The following PCDHGA5 variants were observed in gnomAD, a reference collection of about 807,000 sequenced individuals.
PCDHGA5 encodes the protein protocadherin gamma subfamily A, 5.
In PCDHGA5, 36 loss-of-function variants were observed where a neutral mutation model predicts 56.7. That is an observed-to-expected ratio of 0.64 (90% CI 0.49 to 0.84). The LOEUF (loss-of-function observed/expected upper bound fraction) is 0.84, where lower values mean the gene tolerates loss of function less well. Among genes scored for constraint, PCDHGA5 ranks in the 40% least tolerant of loss-of-function variants. PCDHGA5 has a pLI of 0.00. For missense variants in PCDHGA5, 1,305 were observed against 1,201.5 expected (o/e 1.09, Z -1.27); for synonymous variants, 563 against 520.2 (o/e 1.08, Z -1.12).
intron 1 of PCDHGA5, among the ~76,000 whole-genome samples, chr5:141,449,440 C>T (rs2098639026): frequency 6.6e-6 from 1 of 151,742 alleles, no homozygotes; most frequent in Admixed American, 6.6e-5. Flanking sequence ...AACTCCATCT[C>T]TACTAAAAAT....
At chr5:141,466,655 AT>A (rs754296083) in intron 1 of PCDHGA5, among the ~76,000 whole-genome samples, 3 of 152,206 alleles carry the variant, frequency 2.0e-5, no homozygotes, top group Non-Finnish European at 4.4e-5. Context: ...TTCACAAAAC[AT>A]CAGTGATTTC....
intron 1 of PCDHGA5, chr5:141,423,577 G>A (rs1348410879): frequency 6.2e-7 from 1 of 1,613,478 alleles, no homozygotes; most frequent in Non-Finnish European, 8.5e-7. Context: ...CATCAGCCAG[G>A]AGAGCTGTGA....
intron 1 of PCDHGA5, among the ~76,000 whole-genome samples, chr5:141,402,646 G>A (rs2094289569): frequency 6.6e-6 from 1 of 152,198 alleles, no homozygotes; most frequent in South Asian, 2.1e-4. Context: ...ATCATAATTA[G>A]AAGAGAGTAG....
intron 2 of PCDHGA5, among the ~76,000 whole-genome samples, chr5:141,497,865 A>G (rs1248242691): frequency 2.0e-5 from 3 of 152,168 alleles, no homozygotes; most frequent in Admixed American, 2.0e-4. Flanking sequence ...CAGCGGCTCC[A>G]AAGTGAAATA....
At chr5:141,409,973 G>A in intron 1 of PCDHGA5, 1 of 1,613,380 alleles carries the variant, frequency 6.2e-7, no homozygotes, top group Non-Finnish European at 8.5e-7. Context: ...AGTGACTAAG[G>A]TGGTAGCGGT....
intron 1 of PCDHGA5, chr5:141,421,770 G>A: frequency 6.2e-7 from 1 of 1,613,856 alleles, no homozygotes; most frequent in Non-Finnish European, 8.5e-7. Context: ...ACTTTTCCTT[G>A]CAACTGCGGG....
intron 3 of PCDHGA5, among the ~76,000 whole-genome samples, chr5:141,509,636 C>T (rs1199892148): frequency 6.6e-6 from 1 of 152,164 alleles, no homozygotes; most frequent in Non-Finnish European, 1.5e-5. Context: ...TGATGCTGAG[C>T]CAGGGCCAGA....
chr5:141,374,887 C>G lies in PCDHGA5; in HGVS notation c.2421+8136C>G, dbSNP rs1248527882. On this transcript the variant is annotated intron_variant, in intron 1 of 3. Coordinates refer to ENST00000518069, the MANE Select transcript of PCDHGA5 (RefSeq NM_018918.3). Reference sequence around the variant, plus strand: ...CAGTGTTGGCAGTGACTGCCACCGACCAGGATGAAGGAGTCCACGGGGAAG... The same window carrying G: ...CAGTGTTGGCAGTGACTGCCACCGAGCAGGATGAAGGAGTCCACGGGGAAG... The G allele has an allele frequency of 1.9e-6, 3 of 1,613,670 alleles. No individual in the cohort carries two copies. In the African/African-American group the frequency reaches 4.0e-5, roughly 22 times the overall value.
chr5:141,424,962 C>G (rs1018789700), intron 1 of PCDHGA5, among the ~76,000 whole-genome samples: 2 of 152,116 alleles, frequency 1.3e-5, no homozygotes, highest in Admixed American at 6.6e-5. Flanking sequence ...GTATTTGCCC[C>G]AAATTACTTG....
chr5:141,381,625 G>C (rs1460922523), intron 1 of PCDHGA5, among the ~76,000 whole-genome samples: 1 of 152,172 alleles, frequency 6.6e-6, no homozygotes, highest in Non-Finnish European at 1.5e-5. Context: ...TAGGATCTCT[G>C]CAGATTTCTG....
At chr5:141,403,284 A>C in intron 1 of PCDHGA5, 1 of 1,613,912 alleles carries the variant, frequency 6.2e-7, no homozygotes. Flanking sequence ...GTCCTGGTTG[A>C]AGACAGAGTG....
In PCDHGA5 at chr5:141,432,002, G is replaced by T; in HGVS notation, c.2422-62805G>T. The T allele has an allele frequency of 6.2e-7, 1 of 1,614,186 alleles. No homozygotes were observed. The highest frequency in any genetic ancestry group is 1.1e-5 in the South Asian group (1 of 91,090). ...AGACATAGTCTTGGATAGGGAACAGGTTCCTAGCTACAACATCACAGTGAC... is the reference window on the plus strand; with the variant it reads ...AGACATAGTCTTGGATAGGGAACAGTTTCCTAGCTACAACATCACAGTGAC... On this transcript the variant is annotated intron_variant, in intron 1 of 3. Coordinates refer to ENST00000518069, the MANE Select transcript of PCDHGA5 (RefSeq NM_018918.3). The surrounding 1 kb of genome is among the most constrained non-coding windows in gnomAD (Gnocchi z 6.0).
chr5:141,408,315 C>T lies in PCDHGA5; in HGVS notation c.2421+41564C>T, dbSNP rs757628906. The stretch of plus-strand genomic sequence containing the variant: ...AGTGAGCCGATCCGCTACTCGATTC[C>T]GGAGGAGCTGGCCAAGGGCTCGGTG... On this transcript the variant is annotated intron_variant, in intron 1 of 3. Coordinates refer to ENST00000518069, the MANE Select transcript of PCDHGA5 (RefSeq NM_018918.3). The T allele has an allele frequency of 5.6e-6, 9 of 1,613,712 alleles. No homozygotes were observed. The highest frequency in any genetic ancestry group is 6.8e-6 in the Non-Finnish European group (8 of 1,179,748).
Position 141,476,220 on chromosome 5 carries a change from A to G in PCDHGA5, c.2422-18587A>G, listed in dbSNP as rs770978000. On this transcript the variant is annotated intron_variant, in intron 1 of 3. Coordinates refer to ENST00000518069, the MANE Select transcript of PCDHGA5 (RefSeq NM_018918.3). This position sits in a 1 kb window ranked among gnomAD's most constrained non-coding sequence, Gnocchi z 7.6. Reference sequence around the variant, plus strand: ...AACAAGGCTTCCACGGTCATTCACTATGAGATCCCGGAGGAAAGAGAGAAG... The same window carrying G: ...AACAAGGCTTCCACGGTCATTCACTGTGAGATCCCGGAGGAAAGAGAGAAG... 44 of 1,613,884 alleles carry G rather than the reference A, an allele frequency of 2.7e-5. No individual in the cohort carries two copies. The highest frequency in any genetic ancestry group is 3.4e-5 in the Non-Finnish European group (40 of 1,180,004).
chr5:141,391,756 TAGTA>T (rs1440223357), intron 1 of PCDHGA5: 2 of 152,192 alleles, frequency 1.3e-5, no homozygotes, highest in African/African-American at 2.4e-5. Flanking sequence ...TTTGGCTTCT[TAGTA>T]AGTATTATAT....
intron 1 of PCDHGA5, chr5:141,423,750 T>TG (rs144521096): frequency 0.16 from 45,934 of 282,282 alleles, 1,791 homozygotes; most frequent in African/African-American, 0.37. Context: ...GAAAACTGTT[T>TG]GGGGGGGGGG....
intron 1 of PCDHGA5, chr5:141,414,805 C>T (rs1464881022): frequency 1.2e-6 from 2 of 1,614,224 alleles, no homozygotes; most frequent in Middle Eastern, 1.6e-4. Flanking sequence ...CAGCGGGGAT[C>T]CTCCACTCAG....
Position 141,365,288 on chromosome 5 carries a change from G to T in PCDHGA5, c.958G>T (p.Val320Leu), listed in dbSNP as rs1293975471. The part of the protein sequence containing the change: ...EESRFYLMEV[V>L]AQDGGALVAS... The stretch of plus-strand genomic sequence containing the variant: ...ATCCAGATTCTACCTCATGGAAGTG[G>T]TAGCTCAGGATGGAGGCGCTCTTGT... The change falls in exon 1 of 4, where the codon GTA becomes TTA. Residue 320 changes from valine to leucine, a missense_variant. Coordinates refer to ENST00000518069, the MANE Select transcript of PCDHGA5 (RefSeq NM_018918.3). 1.2e-6 allele frequency: 2 copies of T among 1,613,842 alleles called. No individual in the cohort carries two copies. The highest frequency in any genetic ancestry group is 2.7e-5 in the African/African-American group (2 of 74,904).
chr5:141,395,290 T>G, intron 1 of PCDHGA5: 1 of 1,529,838 alleles, frequency 6.5e-7, no homozygotes, highest in Non-Finnish European at 8.8e-7. Context: ...TTATTTGGCA[T>G]AAATTATGTT....
Sources: allele counts gnomAD v4.1 joint callset (sites outside exome capture counted in the v4.1 genomes callset), GRCh38; gene constraint gnomAD v4.1.1; non-coding constraint Gnocchi (gnomAD v3.1); transcripts MANE v1.5; gene names NCBI Gene and HGNC (gene_info 2026-07-23, HGNC 2026-07-21).